SLC35F1: variants seen among roughly 807,000 people sequenced by gnomAD.
SLC35F1 encodes the protein chromosome 6 open reading frame 169.
A neutral mutation model predicts 48.7 loss-of-function variants in SLC35F1; 14 were observed. The ratio of observed to expected loss-of-function variants is 0.29; its 90% CI spans 0.19 to 0.45. The LOEUF (loss-of-function observed/expected upper bound fraction) is 0.45. Among genes scored for constraint, SLC35F1 ranks in the 20% least tolerant of loss-of-function variants. The pLI is 1.00. For missense variants in SLC35F1, 404 were observed against 500.0 expected (o/e 0.81, Z 1.83); for synonymous variants, 190 against 202.2 (o/e 0.94, Z 0.51).
chr6:117,978,615 A>T (rs942646605), intron 1 of SLC35F1, among the ~76,000 whole-genome samples: 5 of 152,120 alleles, frequency 3.3e-5, no homozygotes, highest in African/African-American at 4.8e-5. Context: ...TTCAGACCTA[A>T]GTCAGCTTTC....
intron 3 of SLC35F1, among the ~76,000 whole-genome samples, chr6:118,241,198 C>G (rs1368937866): frequency 6.6e-6 from 1 of 152,112 alleles, no homozygotes; most frequent in Non-Finnish European, 1.5e-5. Flanking sequence ...GGATGTGACC[C>G]AAGCACATTT....
chr6:117,987,652 G>A (rs1471992563), intron 1 of SLC35F1, among the ~76,000 whole-genome samples: 1 of 152,102 alleles, frequency 6.6e-6, no homozygotes, highest in Non-Finnish European at 1.5e-5. Flanking sequence ...CATGGGGGTG[G>A]TGTAGAAAAG....
At chr6:118,185,759 C>T (rs960486016) in intron 2 of SLC35F1, among the ~76,000 whole-genome samples, 5 of 152,114 alleles carry the variant, frequency 3.3e-5, no homozygotes, top group African/African-American at 1.2e-4. Context: ...TGTTACTCAT[C>T]CAGTAGACCC....
chr6:118,142,925 T>C (rs1405302817), intron 1 of SLC35F1, among the ~76,000 whole-genome samples: 1 of 152,168 alleles, frequency 6.6e-6, no homozygotes, highest in African/African-American at 2.4e-5. Flanking sequence ...CTTTGTCTTC[T>C]AAAATGAGGC....
Position 118,259,022 on chromosome 6 carries a change from C to G in SLC35F1, c.478-7973C>G, listed in dbSNP as rs551941406. Among the ~76,000 whole-genome samples the G allele has an allele frequency of 6.6e-5, 10 of 151,454 alleles. No homozygotes were observed. The East Asian group carries it at 1.5e-3, about 23-fold the overall frequency. On this transcript the variant is annotated intron_variant, in intron 3 of 7. Coordinates refer to ENST00000360388, the MANE Select transcript of SLC35F1 (RefSeq NM_001029858.4). ...GAGCTTATAAATAAATATTTAAACCCATAATTTTTTTAAAGCTATAAAAAA... is the reference window on the plus strand; with the variant it reads ...GAGCTTATAAATAAATATTTAAACCGATAATTTTTTTAAAGCTATAAAAAA...
chr6:118,090,360 G>T (rs935302625), intron 1 of SLC35F1, among the ~76,000 whole-genome samples: 1 of 152,158 alleles, frequency 6.6e-6, no homozygotes, highest in Non-Finnish European at 1.5e-5. Flanking sequence ...AGCATATGTC[G>T]TGGTGGGAGG....
At chr6:118,196,746 A>C in intron 2 of SLC35F1, among the ~76,000 whole-genome samples, 1 of 152,226 alleles carries the variant, frequency 6.6e-6, no homozygotes, top group East Asian at 1.9e-4. Context: ...TAAATAAATA[A>C]ATAAATAAAT....
intron 1 of SLC35F1, among the ~76,000 whole-genome samples, chr6:118,128,678 G>C (rs527537892): frequency 6.6e-6 from 1 of 152,014 alleles, no homozygotes; most frequent in East Asian, 1.9e-4. Flanking sequence ...GGAGGAGGGG[G>C]GAGGGATAGC....
chr6:118,223,555 G>A (rs1034666354), intron 2 of SLC35F1, among the ~76,000 whole-genome samples: 5 of 152,184 alleles, frequency 3.3e-5, no homozygotes, highest in East Asian at 1.9e-4. Context: ...GAGAATGAAC[G>A]TATGGTGCCT....
At chr6:118,105,315 A>G (rs889830978) in intron 1 of SLC35F1, among the ~76,000 whole-genome samples, 1 of 152,210 alleles carries the variant, frequency 6.6e-6, no homozygotes, top group Non-Finnish European at 1.5e-5. Flanking sequence ...CAGTGTCCAC[A>G]CAGGCATTCA....
intron 1 of SLC35F1, among the ~76,000 whole-genome samples, chr6:118,046,840 A>C (rs1772308655): frequency 6.6e-6 from 1 of 152,152 alleles, no homozygotes; most frequent in Non-Finnish European, 1.5e-5. Context: ...CAAAAGTTAC[A>C]CAGTAATTTA....
At chr6:118,236,366 T>C (rs1273302965) in intron 3 of SLC35F1, among the ~76,000 whole-genome samples, 1 of 152,206 alleles carries the variant, frequency 6.6e-6, no homozygotes, top group Non-Finnish European at 1.5e-5. Flanking sequence ...TCACTTCTTT[T>C]TATATGGTAA....
chr6:118,033,175 G>A (rs1772078325), intron 1 of SLC35F1, among the ~76,000 whole-genome samples: 1 of 152,026 alleles, frequency 6.6e-6, no homozygotes, highest in African/African-American at 2.4e-5. Flanking sequence ...ATGATTCCAA[G>A]CATTTTTCCA....
At chr6:117,910,245 G>A (rs886772199) in intron 1 of SLC35F1, among the ~76,000 whole-genome samples, 2 of 152,136 alleles carry the variant, frequency 1.3e-5, no homozygotes, top group African/African-American at 2.4e-5. Context: ...GAGAGTATGG[G>A]GGAGAGTGAA....
chr6:118,038,543 C>A (rs1437882260), intron 1 of SLC35F1, among the ~76,000 whole-genome samples: 1 of 151,780 alleles, frequency 6.6e-6, no homozygotes, highest in Non-Finnish European at 1.5e-5. Flanking sequence ...TTTATGTATT[C>A]TTTAATTTAT....
At chr6:118,196,735 T>A (rs1441691004) in intron 2 of SLC35F1, among the ~76,000 whole-genome samples, 1 of 151,972 alleles carries the variant, frequency 6.6e-6, no homozygotes, top group Non-Finnish European at 1.5e-5. Context: ...AAAAAATAAA[T>A]TAAATAAATA....
chr6:118,049,861 C>T (rs1772359260), intron 1 of SLC35F1, among the ~76,000 whole-genome samples: 1 of 151,978 alleles, frequency 6.6e-6, no homozygotes, highest in African/African-American at 2.4e-5. Context: ...CATCCCATTA[C>T]TGGGTATATA....
intron 1 of SLC35F1, among the ~76,000 whole-genome samples, chr6:118,078,926 T>G (rs908600313): frequency 3.9e-5 from 6 of 152,232 alleles, no homozygotes; most frequent in African/African-American, 1.4e-4. Flanking sequence ...TTGGAATGCC[T>G]TGTGAGACGC....
chr6:118,230,741 T>C (rs898271308), intron 2 of SLC35F1, among the ~76,000 whole-genome samples: 10 of 152,210 alleles, frequency 6.6e-5, no homozygotes, highest in African/African-American at 2.4e-4. Context: ...CCCAGCATTT[T>C]GGAAGGCCAA....
Sources: gnomAD v4.1 joint callset for allele counts (sites outside exome capture counted in the v4.1 genomes callset) on GRCh38, gnomAD v4.1.1 for gene constraint, MANE v1.5 for transcripts, NCBI Gene and HGNC (gene_info 2026-07-23, HGNC 2026-07-21) for gene names.